Variants in SV2B observed in about 807,000 individuals in gnomAD.
SV2B encodes solute carrier family 22 member B2.
In SV2B, 41 loss-of-function variants were observed where a neutral mutation model predicts 73.9. The observed-to-expected ratio is 0.56, with a 90% confidence interval of 0.43 to 0.72. The LOEUF (loss-of-function observed/expected upper bound fraction) is 0.72. Ranked by LOEUF, SV2B falls within the 30% of genes least tolerant of loss-of-function variation. The pLI, the probability that SV2B is intolerant of heterozygous loss-of-function variation, is 0.00. For synonymous variants in SV2B, 314 were observed against 314.2 expected, an observed-to-expected ratio of 1.00 and a Z score of 0.01; for missense variants, 764 against 857.8, an observed-to-expected ratio of 0.89 and a Z score of 1.37.
chr15:91,104,880 C>A (rs1446558535), intron 1 of SV2B, among the ~76,000 whole-genome samples: 1 of 152,218 alleles, frequency 6.6e-6, no homozygotes, highest in Non-Finnish European at 1.5e-5. Context: ...GATCTGCCCG[C>A]CTCGGCCTCC....
At chr15:91,149,361 T>C (rs1330119880) in intron 1 of SV2B, among the ~76,000 whole-genome samples, 1 of 152,206 alleles carries the variant, frequency 6.6e-6, no homozygotes, top group Non-Finnish European at 1.5e-5. Flanking sequence ...CAGGGTATAG[T>C]AAAACAGTTG....
Position 91,284,002 on chromosome 15 carries a change from G to C in SV2B, c.1508-19G>C, listed in dbSNP as rs1218831399. ...CTCCCTTCCACTTACATGAACCGAA[G>C]GTTTCCTTCTCTCCCCAGACCTCTA... On this transcript the variant is annotated intron_variant, in intron 10 of 12. Coordinates refer to ENST00000394232, the MANE Select transcript of SV2B (RefSeq NM_001323032.3). This position sits in a 1 kb window ranked among gnomAD's most constrained non-coding sequence, Gnocchi z 4.5. The C allele has an allele frequency of 6.2e-7, 1 of 1,613,858 alleles. No individual in the cohort carries two copies. The highest frequency in any genetic ancestry group is 1.1e-5 in the South Asian group (1 of 91,054).
At position 91,245,424 on chromosome 15, in the gene SV2B, G is replaced by A. The variant is rs1354087186; in HGVS notation, c.452-6395G>A. Among the ~76,000 whole-genome samples, 2 of 152,266 alleles carry A rather than the reference G, an allele frequency of 1.3e-5. No individual in the cohort carries two copies. The highest frequency in any genetic ancestry group is 1.9e-4 in the East Asian group (1 of 5,188). On this transcript the variant is annotated intron_variant, in intron 2 of 12. Coordinates refer to ENST00000394232, the MANE Select transcript of SV2B (RefSeq NM_001323032.3). The surrounding 1 kb of genome is among the most constrained non-coding windows in gnomAD (Gnocchi z 4.2). ...GTAAATACAGTATGTAGTTATACAC[G>A]TACCAATACAAATACAAAAATAAAG...
intron 1 of SV2B, among the ~76,000 whole-genome samples, chr15:91,114,927 T>G (rs1189297779): frequency 1.3e-5 from 2 of 152,182 alleles, no homozygotes; most frequent in African/African-American, 4.8e-5. Context: ...CTCCAGCCAT[T>G]TTCTAGCTTT....
intron 6 of SV2B, 85 bp from the exon 7 acceptor site, chr15:91,266,497 T>C: frequency 9.2e-7 from 1 of 1,091,110 alleles, no homozygotes; most frequent in Non-Finnish European, 1.4e-6. Context: ...CCTAAATCAG[T>C]TTAAATAGTT....
At position 91,121,777 on chromosome 15, in the gene SV2B, GT is replaced by G. The variant is rs537918580; in HGVS notation, c.-392+21429del. On this transcript the variant is annotated intron_variant, in intron 1 of 12. Transcript: ENST00000394232. This position sits in a 1 kb window ranked among gnomAD's most constrained non-coding sequence, Gnocchi z 4.4. ...AACCATCTATTTATATATTAATAGT[GT>G]TTTTTTTTTTTTTTGAGATGGAGTC... 0.077 allele frequency among the ~76,000 whole-genome samples: 10,663 copies of G among 139,154 alleles called. 384 individuals carry two copies. The highest frequency in any genetic ancestry group is 0.11 in the South Asian group (481 of 4,342). 91.3% of individuals were successfully genotyped at this position (139,154 alleles called of 152,430 possible). A position where few individuals can be genotyped will look rare whatever the true frequency, so the allele number is the denominator to read the frequency against.
intron 1 of SV2B, among the ~76,000 whole-genome samples, chr15:91,158,665 T>TCTTCTCTTCCCTTCCCTTCCCTTCC (rs2043580015): frequency 1.7e-5 from 1 of 58,434 alleles, no homozygotes; most frequent in African/African-American, 7.0e-5. Context: ...TCTTCTCTTC[T>TCTTCTCTTCCCTTCCCTTCCCTTCC]CTTCTCTTCT....
In SV2B at chr15:91,108,028, G is replaced by A. The variant is rs138496787; in HGVS notation, c.-392+7665G>A. 9.4e-3 allele frequency among the ~76,000 whole-genome samples: 1,436 copies of A among 152,288 alleles called. 28 individuals are homozygous for A. Among genetic ancestry groups the A allele is most frequent in the African/African-American group, 0.033 (1,378 of 41,548 alleles). On this transcript the variant is annotated intron_variant, in intron 1 of 12. Transcript: ENST00000394232. ...GTGGTGTGGTGGTGGTGATGATGATGATGATAGTAATCATACCCCAGTGTT... is the reference window on the plus strand; with the variant it reads ...GTGGTGTGGTGGTGGTGATGATGATAATGATAGTAATCATACCCCAGTGTT...
chr15:91,213,544 C>G (rs1194154545), intron 1 of SV2B, among the ~76,000 whole-genome samples: 1 of 152,050 alleles, frequency 6.6e-6, no homozygotes, highest in African/African-American at 2.4e-5. Flanking sequence ...GCTACTTTCT[C>G]TCCACCTCGA....
rs1244056793 is a variant in SV2B at position 91,258,420 on chromosome 15, G to A, written c.785-1G>A. 1.9e-6 allele frequency: 3 copies of A among 1,614,032 alleles called. No individual in the cohort carries two copies. The highest frequency in any genetic ancestry group is 2.5e-6 in the Non-Finnish European group (3 of 1,179,942). On this transcript the variant is annotated splice_acceptor_variant, in intron 4 of 12. Transcript: ENST00000394232. LOFTEE classifies it high-confidence loss of function. This position sits in a 1 kb window ranked among gnomAD's most constrained non-coding sequence, Gnocchi z 4.7. The stretch of plus-strand genomic sequence containing the variant: ...TCCTTTGACTGACTGCTCCTTTGCA[G>A]GCTGGGGCTTCAGCATGGGGACCAA...
chr15:91,285,750 G>A (rs1370701053), intron 11 of SV2B, among the ~76,000 whole-genome samples: 1 of 152,156 alleles, frequency 6.6e-6, no homozygotes, highest in African/African-American at 2.4e-5. Flanking sequence ...TGGAGTCTCT[G>A]GTCTGTTCAT....
rs2043595290 is a variant in SV2B at position 91,158,707 on chromosome 15, TCC to T, written c.-392+58345_-392+58346del. On this transcript the variant is annotated intron_variant, in intron 1 of 12. Coordinates refer to ENST00000394232, the MANE Select transcript of SV2B (RefSeq NM_001323032.3). The stretch of plus-strand genomic sequence containing the variant: ...TTCTCTTCTCTTCTCTTCTCTCCTC[TCC>T]TCTCCTCTCCTCTCCTCTCTTCTCC... Among the ~76,000 whole-genome samples, 2 of 93,078 alleles carry T rather than the reference TCC, an allele frequency of 2.1e-5. 1 individual carries two copies. The highest frequency in any genetic ancestry group is 2.2e-4 in the Admixed American group (2 of 9,046). The allele number at this position is 93,078 out of a possible 152,430, so 61.1% of individuals were successfully genotyped here.
intron 1 of SV2B, among the ~76,000 whole-genome samples, chr15:91,156,308 C>T (rs1011917554): frequency 2.0e-5 from 3 of 152,204 alleles, no homozygotes; most frequent in Admixed American, 6.5e-5. Flanking sequence ...TGTGACTCCA[C>T]GGACTTCTGA....
chr15:91,240,869 G>A lies in SV2B; in HGVS notation c.452-10950G>A, dbSNP rs978031243. 8.5e-5 allele frequency among the ~76,000 whole-genome samples: 13 copies of A among 152,106 alleles called. No individual in the cohort carries two copies. The highest frequency in any genetic ancestry group is 2.9e-4 in the African/African-American group (12 of 41,418). On this transcript the variant is annotated intron_variant, in intron 2 of 12. Transcript: ENST00000394232. This position sits in a 1 kb window ranked among gnomAD's most constrained non-coding sequence, Gnocchi z 4.6. Reference sequence around the variant, plus strand: ...GCCTCAGATGAGTGCTCTTGGCCCCGTCACAGCCTCCACTCTTGTACCATT... The same window carrying A: ...GCCTCAGATGAGTGCTCTTGGCCCCATCACAGCCTCCACTCTTGTACCATT...
intron 1 of SV2B, among the ~76,000 whole-genome samples, chr15:91,112,303 G>A (rs2042059301): frequency 6.6e-6 from 1 of 152,182 alleles, no homozygotes; most frequent in African/African-American, 2.4e-5. Flanking sequence ...CTTGGCTCCT[G>A]AAATGCTCCT....
rs1332934041 is a variant in SV2B at position 91,214,673 on chromosome 15, C to T, written c.-391-11200C>T. ...GAAATATCATTAACAATTGTTTTCCCGATGAAATCAAAACGAAGTAGGATT... is the reference window on the plus strand; with the variant it reads ...GAAATATCATTAACAATTGTTTTCCTGATGAAATCAAAACGAAGTAGGATT... On this transcript the variant is annotated intron_variant, in intron 1 of 12. Coordinates refer to ENST00000394232, the MANE Select transcript of SV2B (RefSeq NM_001323032.3). The surrounding 1 kb of genome is among the most constrained non-coding windows in gnomAD (Gnocchi z 4.7). Among the ~76,000 whole-genome samples, 5 of 152,176 alleles carry T rather than the reference C, an allele frequency of 3.3e-5. No individual in the cohort carries two copies. Among genetic ancestry groups the T allele is most frequent in the African/African-American group, 7.2e-5 (3 of 41,432 alleles).
Position 91,293,288 on chromosome 15 carries a change from A to C in SV2B, c.*736A>C, listed in dbSNP as rs2049109844. 1 of 152,230 alleles carries C rather than the reference A, an allele frequency of 6.6e-6. No homozygotes were observed. Among genetic ancestry groups the C allele is most frequent in the African/African-American group, 2.4e-5 (1 of 41,466 alleles). The allele number at this position is 152,230 out of a possible 1,614,324, so 9.4% of individuals were successfully genotyped here. A position where few individuals can be genotyped will look rare whatever the true frequency, so the allele number is the denominator to read the frequency against. On this transcript the variant is annotated 3_prime_UTR_variant, in exon 13 of 13. Coordinates refer to ENST00000394232, the MANE Select transcript of SV2B (RefSeq NM_001323032.3). ...ACTTTATTTGGGTTTAATTTCCACA[A>C]CTGGTATCTGCAAATATTGCCAGCA...
chr15:91,134,907 A>G (rs2042771831), intron 1 of SV2B, among the ~76,000 whole-genome samples: 1 of 152,044 alleles, frequency 6.6e-6, no homozygotes, highest in African/African-American at 2.4e-5. Flanking sequence ...CATTCGTTCT[A>G]ATGCAGAGGT....
rs1195472568 is a variant in SV2B at position 91,224,458 on chromosome 15, G to A, written c.-391-1415G>A. Reference sequence around the variant, plus strand: ...GCCCTGAGGGGCTACTCAGTGAGGCGGGGCCTCAGAGCCACTTGGAGAGAG... The same window carrying A: ...GCCCTGAGGGGCTACTCAGTGAGGCAGGGCCTCAGAGCCACTTGGAGAGAG... On this transcript the variant is annotated intron_variant, in intron 1 of 12. Transcript: ENST00000394232. This position sits in a 1 kb window ranked among gnomAD's most constrained non-coding sequence, Gnocchi z 4.9. 2.6e-5 allele frequency among the ~76,000 whole-genome samples: 4 copies of A among 152,176 alleles called. No individual in the cohort carries two copies. The highest frequency in any genetic ancestry group is 9.7e-5 in the African/African-American group (4 of 41,440).
Sources: allele counts gnomAD v4.1 joint callset (sites outside exome capture counted in the v4.1 genomes callset), GRCh38; gene constraint gnomAD v4.1.1; non-coding constraint Gnocchi (gnomAD v3.1); transcripts MANE v1.5; gene names NCBI Gene and HGNC (gene_info 2026-07-23, HGNC 2026-07-21).